DPH6: variants seen among roughly 807,000 people sequenced by gnomAD.
The protein encoded by DPH6 is diphthamine biosynthesis 6.
Under a neutral mutation model 38.2 loss-of-function variants are expected in DPH6, and 33 were observed. The observed-to-expected ratio is 0.86, with a 90% CI of 0.65 to 1.15. The LOEUF is 1.15. DPH6 is among the 50% of genes most tolerant of loss of function. The pLI is 0.00. For synonymous variants in DPH6, 108 were observed against 103.0 expected (o/e 1.05, Z -0.30); for missense variants, 325 against 320.0 (o/e 1.02, Z -0.12).
intron 3 of DPH6, among the ~76,000 whole-genome samples, chr15:35,495,343 C>T (rs575699879): frequency 6.6e-6 from 1 of 152,222 alleles, no homozygotes; most frequent in African/African-American, 2.4e-5. Context: ...AGAGGGTTAT[C>T]TACAAGTTAA....
At chr15:35,382,035 G>A in intron 6 of DPH6, 119 bp from the exon 7 acceptor site, 1 of 713,966 alleles carries the variant, frequency 1.4e-6, no homozygotes, top group South Asian at 1.9e-5. Context: ...TAGTTTGCAA[G>A]GTAAGGAAAA....
At chr15:35,193,910 A>T in the DPH6 span, among the ~76,000 whole-genome samples, 2 of 152,212 alleles carry the variant, frequency 1.3e-5, no homozygotes, top group Non-Finnish European at 2.9e-5. Context: ...AAAAGGAAAC[A>T]AATAGACATG....
chr15:35,283,548 G>T (rs2140438635), intron 3 of DPH6, among the ~76,000 whole-genome samples: 1 of 152,026 alleles, frequency 6.6e-6, no homozygotes, highest in East Asian at 1.9e-4. Context: ...CGCCGCTTTG[G>T]CCTCCCAAAG....
chr15:35,430,145 T>C (rs78058451), intron 5 of DPH6, among the ~76,000 whole-genome samples: 5 of 152,150 alleles, frequency 3.3e-5, no homozygotes, highest in Non-Finnish European at 5.9e-5. Flanking sequence ...TGAAAGTAAA[T>C]TGAATGAAGG....
At chr15:35,525,999 C>T (rs555906963) in intron 3 of DPH6, among the ~76,000 whole-genome samples, 18 of 152,216 alleles carry the variant, frequency 1.2e-4, no homozygotes, top group African/African-American at 3.9e-4. Flanking sequence ...TATTATAATG[C>T]TTTCTGTAAT....
At chr15:35,529,273 G>C in intron 3 of DPH6, among the ~76,000 whole-genome samples, 1 of 152,172 alleles carries the variant, frequency 6.6e-6, no homozygotes. Flanking sequence ...AATCATGGCA[G>C]AAGTCGAAAG....
chr15:35,246,107 T>C (rs1055282491), intron 3 of DPH6, among the ~76,000 whole-genome samples: 3 of 152,154 alleles, frequency 2.0e-5, no homozygotes, highest in Non-Finnish European at 4.4e-5. Flanking sequence ...TAATTTTCCT[T>C]TACCTACCCA....
At chr15:35,285,468 T>C (rs1217884936) in intron 3 of DPH6, among the ~76,000 whole-genome samples, 1 of 152,192 alleles carries the variant, frequency 6.6e-6, no homozygotes, top group Non-Finnish European at 1.5e-5. Flanking sequence ...TCTCTTTGCC[T>C]GCTGCCATCC....
At chr15:35,291,494 TCA>T (rs2051980146) in intron 3 of DPH6, among the ~76,000 whole-genome samples, 1 of 152,194 alleles carries the variant, frequency 6.6e-6, no homozygotes, top group African/African-American at 2.4e-5. Flanking sequence ...CTCCACAGCA[TCA>T]CACTCTTGTC....
At chr15:35,265,112 G>A (rs1452932460) in intron 3 of DPH6, among the ~76,000 whole-genome samples, 1 of 151,850 alleles carries the variant, frequency 6.6e-6, no homozygotes, top group Non-Finnish European at 1.5e-5. Context: ...AACCACACAA[G>A]CTAGCGGTCA....
chr15:35,542,967 A>ATATATATATATATATATATAT (rs1566946762), intron 1 of DPH6, among the ~76,000 whole-genome samples: 7 of 15,568 alleles, frequency 4.5e-4, no homozygotes, highest in Admixed American at 7.2e-4. Flanking sequence ...TATATATATA[A>ATATATATATATATATATATAT]AATAATTTCA....
chr15:35,213,596 T>G (rs1184771803), downstream of DPH6, among the ~76,000 whole-genome samples: 1 of 152,200 alleles, frequency 6.6e-6, no homozygotes, highest in Non-Finnish European at 1.5e-5. Context: ...TGGAAAAATA[T>G]ACACAATATC....
At chr15:35,330,597 CA>C (rs908950268), downstream of DPH6, among the ~76,000 whole-genome samples, 19 of 152,232 alleles carry the variant, frequency 1.2e-4, no homozygotes, top group African/African-American at 4.1e-4. Context: ...TTAACAAAAG[CA>C]CTTTAGGAAG....
chr15:35,334,309 A>G (rs1025594914), intron 3 of DPH6, among the ~76,000 whole-genome samples: 1 of 152,182 alleles, frequency 6.6e-6, no homozygotes, highest in African/African-American at 2.4e-5. Flanking sequence ...ACACAAAAAT[A>G]TAGCTTGAAG....
At chr15:35,223,640 C>T (rs946710914) in intron 3 of DPH6, among the ~76,000 whole-genome samples, 1 of 151,824 alleles carries the variant, frequency 6.6e-6, no homozygotes, top group Non-Finnish European at 1.5e-5. Context: ...GAGCGGAGAT[C>T]GCGCCACTGC....
At chr15:35,297,011 G>A (rs1464594486) in intron 3 of DPH6, among the ~76,000 whole-genome samples, 1 of 152,030 alleles carries the variant, frequency 6.6e-6, no homozygotes, top group African/African-American at 2.4e-5. Flanking sequence ...GAGCCCATAT[G>A]CTGCACCTTC....
chr15:35,239,274 C>T lies in DPH6; in HGVS notation n.201-18692G>A, dbSNP rs2051580439. Among the ~76,000 whole-genome samples, 6 of 143,758 alleles carry T rather than the reference C, an allele frequency of 4.2e-5. 2 individuals carry two copies. In the South Asian group the frequency reaches 1.5e-3, roughly 35 times the overall value. The allele number at this position is 143,758 out of a possible 152,430, so 94.3% of individuals were successfully genotyped here. A position where few individuals can be genotyped will look rare whatever the true frequency, so the allele number is the denominator to read the frequency against. On this transcript the variant is annotated intron_variant and non_coding_transcript_variant, in intron 3 of 3. Coordinates refer to the DPH6 transcript ENST00000560386. ...CTATCCCTCAACCTCTTTCTCCTTT[C>T]AATCTTGGCGCTACACTTCAATCAC...
At chr15:35,152,562 C>A in the DPH6 span, among the ~76,000 whole-genome samples, 1 of 152,004 alleles carries the variant, frequency 6.6e-6, no homozygotes, top group Non-Finnish European at 1.5e-5. Flanking sequence ...TGCAATAGTG[C>A]GATCTCCGTT....
chr15:35,492,007 T>C (rs2054489830), intron 3 of DPH6, among the ~76,000 whole-genome samples: 1 of 152,044 alleles, frequency 6.6e-6, no homozygotes, highest in Non-Finnish European at 1.5e-5. Context: ...AGAAGTCCCA[T>C]AATCTGCTGT....
Sources: gnomAD v4.1 joint callset for allele counts (sites outside exome capture counted in the v4.1 genomes callset) on GRCh38, gnomAD v4.1.1 for gene constraint, MANE v1.5 for transcripts, NCBI Gene and HGNC (gene_info 2026-07-23, HGNC 2026-07-21) for gene names.